Variants in MACROD2 observed in about 807,000 individuals in gnomAD.
The protein encoded by MACROD2 is mono-ADP ribosylhydrolase 2.
A neutral mutation model predicts 70.4 loss-of-function variants in MACROD2; 36 were observed. That is an observed-to-expected ratio of 0.51 (90% CI 0.39 to 0.68). The LOEUF is 0.68. Ranked by LOEUF, MACROD2 falls within the 30% of genes least tolerant of loss-of-function variation. The pLI, the probability that MACROD2 is intolerant of heterozygous loss-of-function variation, is 0.00. For synonymous variants in MACROD2, 172 were observed against 178.8 expected (o/e 0.96, Z 0.30); for missense variants, 496 against 538.4 (o/e 0.92, Z 0.78).
chr20:14,791,493 T>G (rs2072450494), intron 5 of MACROD2, among the ~76,000 whole-genome samples: 1 of 152,122 alleles, frequency 6.6e-6, no homozygotes, highest in African/African-American at 2.4e-5. Context: ...ATACTGCCCC[T>G]GGTTTTACCC....
chr20:15,743,498 GC>G lies in MACROD2; in HGVS notation c.646-119246del, dbSNP rs2051135571. Among the ~76,000 whole-genome samples the G allele has an allele frequency of 2.6e-5, 4 of 152,098 alleles. No homozygotes were observed. The South Asian group carries it at 8.3e-4, about 32-fold the overall frequency. On this transcript the variant is annotated intron_variant, in intron 8 of 17. Transcript: ENST00000684519. ...GTCAAGACCTCAATTTTTCATTTTT[GC>G]TTTTAAAATCCCACTTGACTTCATC... is the stretch of plus-strand genomic sequence containing the variant.
intron 8 of MACROD2, among the ~76,000 whole-genome samples, chr20:15,686,324 G>T (rs2050224276): frequency 6.6e-6 from 1 of 152,148 alleles, no homozygotes; most frequent in African/African-American, 2.4e-5. Flanking sequence ...TCAAGTGGAT[G>T]TCTCATTCTT....
chr20:15,813,852 G>T lies in MACROD2; in HGVS notation c.646-48893G>T, dbSNP rs149644318. 5.3e-5 allele frequency among the ~76,000 whole-genome samples: 8 copies of T among 152,298 alleles called. 1 individual carries two copies. In the East Asian group the frequency reaches 1.5e-3, roughly 29 times the overall value. ...AGACAGTGTGATACATGTGTACATA[G>T]GGAAGAAACTAGCCCACGGAGTTCA... is the stretch of plus-strand genomic sequence containing the variant. On this transcript the variant is annotated intron_variant, in intron 8 of 17. Coordinates refer to ENST00000684519, the MANE Select transcript of MACROD2 (RefSeq NM_001351661.2).
intron 5 of MACROD2, among the ~76,000 whole-genome samples, chr20:14,827,697 A>G: frequency 6.6e-6 from 1 of 152,076 alleles, no homozygotes; most frequent in East Asian, 1.9e-4. Flanking sequence ...TGCCAGAAAA[A>G]AAAAAAAAGT....
chr20:15,416,358 C>T (rs778509399), intron 6 of MACROD2, among the ~76,000 whole-genome samples: 11 of 152,150 alleles, frequency 7.2e-5, no homozygotes, highest in African/African-American at 1.7e-4. Context: ...TCATTATTCC[C>T]TAATTAATTC....
At chr20:14,051,811 G>A in intron 2 of MACROD2, 2 of 464,056 alleles carry the variant, frequency 4.3e-6, no homozygotes, top group South Asian at 1.5e-5. Flanking sequence ...GTTTGTAGTG[G>A]TATTCTGGAC....
At chr20:14,055,507 C>CAAAAAA (rs4052606) in intron 2 of MACROD2, among the ~76,000 whole-genome samples, 1 of 103,214 alleles carries the variant, frequency 9.7e-6, no homozygotes, top group South Asian at 3.3e-4. Flanking sequence ...GTTTCAGGAG[C>CAAAAAA]AAAAAAAAAA....
chr20:15,699,261 A>G (rs1206728385), intron 8 of MACROD2, among the ~76,000 whole-genome samples: 2 of 152,060 alleles, frequency 1.3e-5, no homozygotes, highest in African/African-American at 4.8e-5. Context: ...TTTTCGTCCC[A>G]TGGGGTGTTC....
intron 2 of MACROD2, among the ~76,000 whole-genome samples, chr20:14,004,771 T>C (rs969169284): frequency 6.6e-6 from 1 of 152,154 alleles, no homozygotes; most frequent in Non-Finnish European, 1.5e-5. Context: ...GGTATTGATA[T>C]TTATTAAATA....
chr20:15,563,736 G>A (rs1368546474), intron 8 of MACROD2, among the ~76,000 whole-genome samples: 3 of 152,074 alleles, frequency 2.0e-5, no homozygotes, highest in Non-Finnish European at 2.9e-5. Flanking sequence ...GCTCTTTGCT[G>A]GAAATACTTG....
At chr20:14,176,867 G>T (rs145083571) in intron 3 of MACROD2, among the ~76,000 whole-genome samples, 1 of 152,052 alleles carries the variant, frequency 6.6e-6, no homozygotes, top group Non-Finnish European at 1.5e-5. Flanking sequence ...CATCTGTTTC[G>T]ATTATATATT....
chr20:16,013,966 A>T (rs551348164), intron 15 of MACROD2, among the ~76,000 whole-genome samples: 1 of 152,298 alleles, frequency 6.6e-6, no homozygotes, highest in South Asian at 2.1e-4. Flanking sequence ...GGCTATATCT[A>T]CCATCAACTG....
chr20:14,737,728 G>C (rs1407600467), intron 5 of MACROD2, among the ~76,000 whole-genome samples: 1 of 151,996 alleles, frequency 6.6e-6, no homozygotes, highest in African/African-American at 2.4e-5. Flanking sequence ...TTTTTCATAT[G>C]TTCATTGGCC....
chr20:15,299,853 G>A (rs1409279870), intron 6 of MACROD2, among the ~76,000 whole-genome samples: 1 of 152,198 alleles, frequency 6.6e-6, no homozygotes, highest in Admixed American at 6.5e-5. Context: ...ACTTGAATGA[G>A]GGAGAAAACT....
At chr20:15,484,091 GT>G (rs948719149) in intron 7 of MACROD2, among the ~76,000 whole-genome samples, 7 of 61,976 alleles carry the variant, frequency 1.1e-4, no homozygotes, top group African/African-American at 3.8e-4. Context: ...TATTTTTCTT[GT>G]CTTGCTGCTT....
chr20:15,085,516 A>G lies in MACROD2; in HGVS notation c.419-144424A>G, dbSNP rs1048218671. Among the ~76,000 whole-genome samples, 20 of 152,172 alleles carry G rather than the reference A, an allele frequency of 1.3e-4. 1 individual carries two copies. Among genetic ancestry groups the G allele is most frequent in the African/African-American group, 4.8e-4 (20 of 41,458 alleles). ...GTATGATAAGGGTCTCATACCTAGC[A>G]TACATAAAGAACTTTTACAAGTCAA... On this transcript the variant is annotated intron_variant, in intron 5 of 17. Transcript: ENST00000684519.
chr20:14,889,431 G>A (rs1407361045), intron 5 of MACROD2, among the ~76,000 whole-genome samples: 3 of 152,030 alleles, frequency 2.0e-5, no homozygotes, highest in Non-Finnish European at 4.4e-5. Flanking sequence ...AAAAAGGAGA[G>A]CAAACTAAAG....
intron 2 of MACROD2, among the ~76,000 whole-genome samples, chr20:14,046,154 T>A (rs2053471171): frequency 6.6e-6 from 1 of 152,142 alleles, no homozygotes; most frequent in South Asian, 2.1e-4. Flanking sequence ...AAAAAGTAAC[T>A]GGATAATACT....
At chr20:15,664,128 T>C (rs1370767075) in intron 8 of MACROD2, among the ~76,000 whole-genome samples, 2 of 152,204 alleles carry the variant, frequency 1.3e-5, no homozygotes, top group Admixed American at 1.3e-4. Flanking sequence ...AGAAATCACC[T>C]TCAGCTTGAG....
Sources: allele counts gnomAD v4.1 joint callset (sites outside exome capture counted in the v4.1 genomes callset), GRCh38; gene constraint gnomAD v4.1.1; transcripts MANE v1.5; gene names NCBI Gene and HGNC (gene_info 2026-07-23, HGNC 2026-07-21).